Variants in PACRG observed in about 807,000 individuals in gnomAD.
PACRG encodes the protein parkin coregulated, also known as parkin coregulated gene protein.
PACRG carries 29 observed loss-of-function variants against 29.7 expected under a neutral mutation model. The observed-to-expected ratio is 0.98, with a 90% confidence interval of 0.73 to 1.33. The LOEUF is 1.33. Among genes scored for constraint, PACRG ranks in the 40% most tolerant of loss-of-function variants. The pLI, the probability that PACRG is intolerant of heterozygous loss-of-function variation, is 0.00. For synonymous variants in PACRG, 116 were observed against 118.7 expected (o/e 0.98, Z 0.15); for missense variants, 279 against 316.2 (o/e 0.88, Z 0.89).
chr6:163,269,930 AC>A (rs58162227), intron 4 of PACRG, among the ~76,000 whole-genome samples: 55 of 25,680 alleles, frequency 2.1e-3, no homozygotes, highest in East Asian at 5.4e-3. Flanking sequence ...AAGAAAGAAA[AC>A]AAAGAAAGAA....
At chr6:162,972,414 T>C (rs183925982) in intron 2 of PACRG, among the ~76,000 whole-genome samples, 1 of 152,150 alleles carries the variant, frequency 6.6e-6, no homozygotes, top group African/African-American at 2.4e-5. Flanking sequence ...CTTCTTTCAG[T>C]TGGCTTTTTT....
intron 1 of PACRG, among the ~76,000 whole-genome samples, chr6:162,757,089 T>A (rs958353924): frequency 6.6e-6 from 1 of 152,172 alleles, no homozygotes. Flanking sequence ...TTATTATAAA[T>A]ATCAAAATTT....
chr6:162,776,464 C>T (rs1260397132), intron 1 of PACRG, among the ~76,000 whole-genome samples: 2 of 152,172 alleles, frequency 1.3e-5, no homozygotes, highest in African/African-American at 2.4e-5. Flanking sequence ...CTTTGTGCTC[C>T]TCAAAGCAGG....
intron 4 of PACRG, among the ~76,000 whole-genome samples, chr6:163,155,765 C>T (rs1778285683): frequency 6.6e-6 from 1 of 152,218 alleles, no homozygotes; most frequent in Admixed American, 6.5e-5. Context: ...AGTCTCTATC[C>T]TGTCCCAACC....
chr6:163,259,267 A>G (rs1783229644), intron 4 of PACRG, among the ~76,000 whole-genome samples: 1 of 152,228 alleles, frequency 6.6e-6, no homozygotes, highest in African/African-American at 2.4e-5. Context: ...ATGATGTTCT[A>G]TGCTAAGACT....
At chr6:163,273,929 A>C (rs1783934880) in intron 4 of PACRG, among the ~76,000 whole-genome samples, 1 of 152,182 alleles carries the variant, frequency 6.6e-6, no homozygotes, top group East Asian at 1.9e-4. Context: ...TTGTTAATTA[A>C]ATTAAAATGT....
intron 2 of PACRG, among the ~76,000 whole-genome samples, chr6:162,976,446 G>A (rs1037302792): frequency 3.3e-5 from 5 of 152,154 alleles, no homozygotes; most frequent in African/African-American, 9.7e-5. Flanking sequence ...CTGGAGTTGA[G>A]GGGGGAAGAA....
chr6:162,801,061 A>C (rs1295523313), intron 1 of PACRG, among the ~76,000 whole-genome samples: 1 of 152,190 alleles, frequency 6.6e-6, no homozygotes, highest in Non-Finnish European at 1.5e-5. Flanking sequence ...ATGTGTGGTC[A>C]AGCTGAAAAA....
At chr6:162,767,597 A>C (rs975102778) in intron 1 of PACRG, among the ~76,000 whole-genome samples, 1 of 151,492 alleles carries the variant, frequency 6.6e-6, no homozygotes, top group Non-Finnish European at 1.5e-5. Context: ...GGTTTCATTT[A>C]TCTTATACAT....
intron 4 of PACRG, among the ~76,000 whole-genome samples, chr6:163,192,939 G>A (rs1313739103): frequency 3.3e-5 from 5 of 152,058 alleles, no homozygotes; most frequent in Non-Finnish European, 7.4e-5. Context: ...TTTTCCAAAT[G>A]CCCGATACTT....
intron 2 of PACRG, among the ~76,000 whole-genome samples, chr6:162,947,611 C>CATATATATATATATATATATAATCAT (rs1799281111): frequency 3.2e-4 from 9 of 27,984 alleles, no homozygotes; most frequent in African/African-American, 7.5e-4. Flanking sequence ...TATATATAAT[C>CATATATATATATATATATATAATCAT]ATATATATAT....
chr6:163,282,885 C>T (rs1273478516), intron 4 of PACRG, among the ~76,000 whole-genome samples: 1 of 152,216 alleles, frequency 6.6e-6, no homozygotes, highest in East Asian at 1.9e-4. Context: ...AATCATCAAG[C>T]CCTTCTACAA....
intron 2 of PACRG, among the ~76,000 whole-genome samples, chr6:163,040,453 A>G (rs1808589177): frequency 6.6e-6 from 1 of 152,236 alleles, no homozygotes; most frequent in Non-Finnish European, 1.5e-5. Context: ...AGTTGTCAGG[A>G]AAGGGCAACT....
intron 4 of PACRG, among the ~76,000 whole-genome samples, chr6:163,309,251 C>A (rs1320524232): frequency 6.6e-6 from 1 of 152,224 alleles, no homozygotes; most frequent in African/African-American, 2.4e-5. Flanking sequence ...AGCCCTAGAC[C>A]GATGGCGGTG....
chr6:162,893,378 G>A (rs1193287133), intron 2 of PACRG, among the ~76,000 whole-genome samples: 6 of 152,236 alleles, frequency 3.9e-5, no homozygotes, highest in East Asian at 3.9e-4. Context: ...CTCCAAAGCC[G>A]AGAAGGACTT....
intron 1 of PACRG, among the ~76,000 whole-genome samples, chr6:162,809,229 T>G (rs1474801456): frequency 6.6e-6 from 1 of 152,054 alleles, no homozygotes; most frequent in African/African-American, 2.4e-5. Context: ...ACATTCTTGC[T>G]TCTGTTACAA....
At chr6:163,195,161 C>T (rs1441627000) in intron 4 of PACRG, among the ~76,000 whole-genome samples, 2 of 152,228 alleles carry the variant, frequency 1.3e-5, no homozygotes, top group Non-Finnish European at 2.9e-5. Flanking sequence ...TTTATCCCCC[C>T]ATAACAGAGA....
At chr6:163,041,098 G>A (rs1317390992) in intron 2 of PACRG, among the ~76,000 whole-genome samples, 1 of 152,052 alleles carries the variant, frequency 6.6e-6, no homozygotes, top group Non-Finnish European at 1.5e-5. Flanking sequence ...AGCACTTTGA[G>A]AGGCCAAGGC....
intron 2 of PACRG, among the ~76,000 whole-genome samples, chr6:163,032,582 G>A (rs1245304395): frequency 1.3e-5 from 2 of 152,158 alleles, no homozygotes; most frequent in African/African-American, 4.8e-5. Context: ...TACTGATAAT[G>A]TACACTAAGT....
Sources: gnomAD v4.1 joint callset for allele counts (sites outside exome capture counted in the v4.1 genomes callset) on GRCh38, gnomAD v4.1.1 for gene constraint, MANE v1.5 for transcripts, NCBI Gene and HGNC (gene_info 2026-07-23, HGNC 2026-07-21) for gene names.